Variants in POLR3A observed in about 807,000 individuals in gnomAD.
The protein encoded by POLR3A is DNA-directed RNA polymerase III subunit RPC1.
In POLR3A, 112 loss-of-function variants were observed where a neutral mutation model predicts 152.8. The ratio of observed to expected loss-of-function variants is 0.73; its 90% confidence interval spans 0.63 to 0.86. POLR3A has a LOEUF of 0.86. Among genes scored for constraint, POLR3A ranks in the 40% least tolerant of loss-of-function variants. The pLI is 0.00. For synonymous variants in POLR3A, 615 were observed against 652.1 expected (o/e 0.94, Z 0.87); for missense variants, 1,385 against 1,743.1 (o/e 0.79, Z 3.66).
intron 23 of POLR3A, 65 bp downstream of exon 23, chr10:77,985,838 G>A: frequency 8.3e-7 from 1 of 1,200,076 alleles, no homozygotes; most frequent in Non-Finnish European, 1.2e-6. Context: ...GTACACATGG[G>A]GAAACAGAAG....
chr10:77,990,617 ATTT>A (rs751268930), intron 21 of POLR3A, among the ~76,000 whole-genome samples: 1 of 138,052 alleles, frequency 7.2e-6, no homozygotes, highest in African/African-American at 2.7e-5. Flanking sequence ...ACTGCCTGTC[ATTT>A]TTTTTTTTTT....
At position 77,976,650 on chromosome 10, in the gene POLR3A, A is replaced by G. The variant is rs1389235585; in HGVS notation, c.*828T>C. The G allele has an allele frequency of 6.6e-6, 1 of 152,236 alleles. No homozygotes were observed. Among genetic ancestry groups the G allele is most frequent in the East Asian group, 1.9e-4 (1 of 5,200 alleles). 9.4% of individuals were successfully genotyped at this position (152,236 alleles called of 1,614,324 possible). A position where few individuals can be genotyped will look rare whatever the true frequency, so the allele number is the denominator to read the frequency against. On this transcript the variant is annotated 3_prime_UTR_variant, in exon 31 of 31. Coordinates refer to ENST00000372371, the MANE Select transcript of POLR3A (RefSeq NM_007055.4). ...GAACGTAAGTATAATTCTACAAAAA[A>G]CCATCTCATCCCCATTGCAGCAGGC...
Position 77,977,435 on chromosome 10 carries a change from G to A in POLR3A, c.*43C>T, listed in dbSNP as rs368142672. 1.6e-5 allele frequency: 25 copies of A among 1,605,126 alleles called. No homozygotes were observed. Among genetic ancestry groups the A allele is most frequent in the South Asian group, 1.3e-4 (12 of 90,880 alleles). On this transcript the variant is annotated 3_prime_UTR_variant, in exon 31 of 31. Transcript: ENST00000372371. ...ACTCTTTATACATCAGCTGGAGACA[G>A]GACAAGGAGTCAAGGTCAGGCATGG...
Position 77,981,389 on chromosome 10 carries a change from G to A in POLR3A, c.3891+39C>T, listed in dbSNP as rs773455220. The A allele has an allele frequency of 5.9e-5, 95 of 1,605,226 alleles. No homozygotes were observed. In the Admixed American group the frequency reaches 1.5e-3, roughly 25 times the overall value. ...GCTTATTCTCCTGAAAGTGAGTTTCGGGATGCCCAGGCAGCCCGGGGGCCT... is the reference window on the plus strand; with the variant it reads ...GCTTATTCTCCTGAAAGTGAGTTTCAGGATGCCCAGGCAGCCCGGGGGCCT... On this transcript the variant is annotated intron_variant, in intron 29 of 30. Coordinates refer to ENST00000372371, the MANE Select transcript of POLR3A (RefSeq NM_007055.4).
chr10:77,985,136 A>G (rs7912213), intron 24 of POLR3A, 34 bp downstream of exon 24: 1 of 1,557,162 alleles, frequency 6.4e-7, no homozygotes, highest in Non-Finnish European at 8.9e-7. Flanking sequence ...CAGGACAGGC[A>G]TGTGTGGAAC....
intron 16 of POLR3A, among the ~76,000 whole-genome samples, 194 bp from the exon 17 acceptor site, chr10:78,002,502 A>G (rs1847367203): frequency 6.6e-6 from 1 of 152,210 alleles, no homozygotes; most frequent in Non-Finnish European, 1.5e-5. Flanking sequence ...ACAAGGTTCT[A>G]AAATTGGTGT....
In POLR3A at chr10:77,982,258, C is replaced by A. The variant is rs755978559; in HGVS notation, c.3655G>T (p.Gly1219Ter). ...RAVIHIDEQSGKEKYKLLVEG... is the reference protein window; with the variant it reads ...RAVIHIDEQS ...ACCAGAAGCTTGTACTTCTCCTTTC[C>A]ACTCTGCTCGTCAATGTGGATGACA... Residue 1219 changes from glycine to a stop codon, truncating the protein, a stop_gained, in exon 28 of 31, where the codon GGA becomes TGA. Transcript: ENST00000372371. LOFTEE classifies it high-confidence loss of function. The A allele has an allele frequency of 6.8e-6, 11 of 1,613,854 alleles. No homozygotes were observed. The highest frequency in any genetic ancestry group is 8.5e-6 in the Non-Finnish European group (10 of 1,179,986).
At chr10:77,990,742 G>A (rs191576113) in intron 21 of POLR3A, among the ~76,000 whole-genome samples, 37 of 151,130 alleles carry the variant, frequency 2.4e-4, no homozygotes, top group Middle Eastern at 3.4e-3. Context: ...TCAGCCTCCC[G>A]AGCTGGGATT....
intron 17 of POLR3A, among the ~76,000 whole-genome samples, chr10:78,001,367 C>T (rs1847355622): frequency 6.6e-6 from 1 of 151,980 alleles, no homozygotes; most frequent in Non-Finnish European, 1.5e-5. Flanking sequence ...TTCAGCAAGT[C>T]CAGGTTGGAC....
rs762192035 is a variant in POLR3A at position 78,021,576 on chromosome 10, A to G, written c.1155T>C (p.His385=). Residue 385 remains histidine (H), a synonymous_variant, in exon 8 of 31, where the codon CAT becomes CAC. Transcript: ENST00000372371. The part of the protein sequence containing the change: ...LRIDEVAVPV[H]VAKILTFPEK... ...CAGGAAAAGTTAGAATTTTGGCCACATGAACTGGCACAGCTACCTCATCAA... is the reference window on the plus strand; with the variant it reads ...CAGGAAAAGTTAGAATTTTGGCCACGTGAACTGGCACAGCTACCTCATCAA... 11 of 1,614,060 alleles carry G rather than the reference A, an allele frequency of 6.8e-6. No individual in the cohort carries two copies. The highest frequency in any genetic ancestry group is 1.7e-5 in the Admixed American group (1 of 60,000).
intron 19 of POLR3A, among the ~76,000 whole-genome samples, chr10:77,994,556 T>C (rs1380977350): frequency 6.8e-6 from 1 of 147,582 alleles, no homozygotes; most frequent in Non-Finnish European, 1.5e-5. Flanking sequence ...GAAGAAAGGG[T>C]ATCAGTGATG....
chr10:78,005,182 A>T (rs1245370190), intron 15 of POLR3A, among the ~76,000 whole-genome samples: 1 of 152,260 alleles, frequency 6.6e-6, no homozygotes, highest in African/African-American at 2.4e-5. Context: ...TATCTAAAGC[A>T]GAGTGACATT....
intron 5 of POLR3A, among the ~76,000 whole-genome samples, chr10:78,022,639 T>C (rs1847591131): frequency 6.6e-6 from 1 of 152,200 alleles, no homozygotes; most frequent in South Asian, 2.1e-4. Context: ...AAGATTTAGC[T>C]ACAAGAATGT....
rs1474119489 is a variant in POLR3A at position 77,976,836 on chromosome 10, C to T, written c.*642G>A. On this transcript the variant is annotated 3_prime_UTR_variant, in exon 31 of 31. Transcript: ENST00000372371. ...AGCTGCCTGGGCCTCATGACAGTTGCACCTCAGTTACAAATCCCAGACGGC... is the reference window on the plus strand; with the variant it reads ...AGCTGCCTGGGCCTCATGACAGTTGTACCTCAGTTACAAATCCCAGACGGC... The T allele has an allele frequency of 1.3e-5, 2 of 153,842 alleles. No individual in the cohort carries two copies. The highest frequency in any genetic ancestry group is 4.8e-5 in the African/African-American group (2 of 41,454). 9.5% of individuals were successfully genotyped at this position (153,842 alleles called of 1,614,324 possible). A position where few individuals can be genotyped will look rare whatever the true frequency, so the allele number is the denominator to read the frequency against.
chr10:77,982,881 GC>G (rs1207349959), intron 26 of POLR3A, 64 bp from the exon 27 acceptor site: 3 of 1,512,050 alleles, frequency 2.0e-6, no homozygotes, highest in Non-Finnish European at 1.8e-6. Flanking sequence ...TTTCATTGTT[GC>G]CCCTCTAAGA....
intron 8 of POLR3A, 149 bp from the exon 9 acceptor site, chr10:78,019,414 T>G (rs1404383037): frequency 7.5e-6 from 5 of 666,414 alleles, no homozygotes; most frequent in Non-Finnish European, 1.1e-5. Flanking sequence ...TGGTCTTGAG[T>G]ATAATGTGAA....
At chr10:77,989,847 TAA>T (rs577265976) in intron 21 of POLR3A, among the ~76,000 whole-genome samples, 1 of 151,000 alleles carries the variant, frequency 6.6e-6, no homozygotes, top group African/African-American at 2.4e-5. Flanking sequence ...ATTTGTTAGT[TAA>T]AAAAAAAGAA....
At chr10:77,994,690 G>A (rs891994579) in intron 19 of POLR3A, among the ~76,000 whole-genome samples, 4 of 152,190 alleles carry the variant, frequency 2.6e-5, no homozygotes, top group Non-Finnish European at 5.9e-5. Flanking sequence ...TCTGATTGGT[G>A]TACCTGAAAG....
Position 77,993,774 on chromosome 10 carries a change from C to T in POLR3A, c.2617-407G>A, listed in dbSNP as rs575630305. 5.1e-4 allele frequency among the ~76,000 whole-genome samples: 77 copies of T among 152,216 alleles called. No individual in the cohort carries two copies. In the South Asian group the frequency reaches 0.01, roughly 20 times the overall value. On this transcript the variant is annotated intron_variant, in intron 19 of 30. Transcript: ENST00000372371. Reference sequence around the variant, plus strand: ...CCCCTGCAGACTTCAATATGAATTACGGAGGATCAGGTGCAGGCCCTCTTC... The same window carrying T: ...CCCCTGCAGACTTCAATATGAATTATGGAGGATCAGGTGCAGGCCCTCTTC...
Sources: allele counts gnomAD v4.1 joint callset (sites outside exome capture counted in the v4.1 genomes callset), GRCh38; gene constraint gnomAD v4.1.1; transcripts MANE v1.5; gene names NCBI Gene and HGNC (gene_info 2026-07-23, HGNC 2026-07-21).